The following PDE4D variants were observed in gnomAD, a reference collection of about 807,000 sequenced individuals.
PDE4D encodes 3',5'-cyclic-AMP phosphodiesterase 4D.
PDE4D carries 24 observed loss-of-function variants against 87.4 expected under a neutral mutation model. The ratio of observed to expected loss-of-function variants is 0.27; its 90% CI spans 0.20 to 0.39. The LOEUF (loss-of-function observed/expected upper bound fraction) is 0.39, where lower values mean the gene tolerates loss of function less well. Among genes scored for constraint, PDE4D ranks in the 10% least tolerant of loss-of-function variants. PDE4D has a pLI of 1.00. For synonymous variants in PDE4D, 384 were observed against 383.2 expected, an observed-to-expected ratio of 1.00 and a Z score of -0.02; for missense variants, 714 against 1,041.0, an observed-to-expected ratio of 0.69 and a Z score of 4.32.
At chr5:59,411,564 G>A (rs1792685382) in intron 1 of PDE4D, among the ~76,000 whole-genome samples, 1 of 152,150 alleles carries the variant, frequency 6.6e-6, no homozygotes, top group Admixed American at 6.5e-5. Context: ...CTTTCAGATG[G>A]CTGCCTTCTT....
chr5:59,898,764 C>T (rs1021535203), intron 3 of PDE4D, among the ~76,000 whole-genome samples: 4 of 152,172 alleles, frequency 2.6e-5, no homozygotes, highest in Non-Finnish European at 2.9e-5. Flanking sequence ...TAAAGAATTA[C>T]TTCTTATTCA....
intron 1 of PDE4D, among the ~76,000 whole-genome samples, chr5:59,224,293 TACACACACACAC>T (rs35273659): frequency 5.2e-5 from 7 of 135,410 alleles, no homozygotes; most frequent in South Asian, 2.4e-4. Flanking sequence ...CACACACACA[TACACACACACAC>T]ACACACACAC....
intron 1 of PDE4D, among the ~76,000 whole-genome samples, chr5:59,337,711 A>G (rs1044004489): frequency 6.6e-6 from 1 of 152,178 alleles, no homozygotes; most frequent in Non-Finnish European, 1.5e-5. Context: ...GCAGAGTTTG[A>G]TGCCTCTCCT....
At chr5:59,034,318 GA>G (rs2153387952) in intron 6 of PDE4D, among the ~76,000 whole-genome samples, 1 of 152,110 alleles carries the variant, frequency 6.6e-6, no homozygotes, top group East Asian at 1.9e-4. Context: ...TTTAATCTAA[GA>G]TTTAATATGT....
chr5:60,082,231 G>T (rs868763456), intron 2 of PDE4D, among the ~76,000 whole-genome samples: 5 of 152,114 alleles, frequency 3.3e-5, no homozygotes, highest in African/African-American at 1.2e-4. Context: ...GGTAATGAAG[G>T]CAGAGTCCTA....
Position 59,397,437 on chromosome 5 carries a change from C to T in PDE4D, c.456-181469G>A, listed in dbSNP as rs1275258960. Among the ~76,000 whole-genome samples, 38 of 118,284 alleles carry T rather than the reference C, an allele frequency of 3.2e-4. 7 individuals are homozygous for T. Among genetic ancestry groups the T allele is most frequent in the Non-Finnish European group, 5.2e-4 (29 of 55,944 alleles). The allele number at this position is 118,284 out of a possible 152,430, so 77.6% of individuals were successfully genotyped here. On this transcript the variant is annotated intron_variant, in intron 1 of 14. Coordinates refer to ENST00000340635, the MANE Select transcript of PDE4D (RefSeq NM_001104631.2). ...CAGGATTAAGAATCTCACTCAAAAC[C>T]GCTCAACTACATGGAAACCGAACAA...
At chr5:60,395,488 A>G (rs1225580321) in intron 1 of PDE4D, among the ~76,000 whole-genome samples, 1 of 152,148 alleles carries the variant, frequency 6.6e-6, no homozygotes, top group Non-Finnish European at 1.5e-5. Context: ...TGAAATATTG[A>G]AGCTTTGGAA....
chr5:59,586,595 G>C (rs1583226964), intron 1 of PDE4D: 1 of 1,350,940 alleles, frequency 7.4e-7, no homozygotes, highest in East Asian at 2.8e-5. Flanking sequence ...ACATCACAGA[G>C]CACTGCAGGT....
At chr5:59,821,187 C>A (rs544914446) in intron 1 of PDE4D, among the ~76,000 whole-genome samples, 1 of 151,972 alleles carries the variant, frequency 6.6e-6, no homozygotes, top group Non-Finnish European at 1.5e-5. Flanking sequence ...GAGCATTGAT[C>A]GTGCCACTGC....
chr5:59,007,202 AGG>A, intron 6 of PDE4D, among the ~76,000 whole-genome samples: 3 of 152,216 alleles, frequency 2.0e-5, no homozygotes, highest in Non-Finnish European at 4.4e-5. Context: ...TGTTTGCAGT[AGG>A]ACTTACATTA....
At chr5:60,502,765 C>T (rs1459115065) in intron 1 of PDE4D, among the ~76,000 whole-genome samples, 3 of 152,102 alleles carry the variant, frequency 2.0e-5, no homozygotes, top group African/African-American at 7.2e-5. Context: ...CCCTTCAAAG[C>T]AGTAATAAAA....
intron 5 of PDE4D, among the ~76,000 whole-genome samples, chr5:59,144,911 T>C (rs1185048452): frequency 3.8e-5 from 5 of 130,064 alleles, no homozygotes; most frequent in Admixed American, 1.7e-4. Context: ...GGGGGAACCA[T>C]CCAGAAGCTG....
intron 5 of PDE4D, among the ~76,000 whole-genome samples, chr5:59,134,245 CATA>C (rs779258423): frequency 1.3e-5 from 2 of 148,898 alleles, no homozygotes; most frequent in East Asian, 3.9e-4. Context: ...GAGAAAAAGT[CATA>C]ATATTTGACA....
chr5:59,597,388 G>C (rs1459461066), intron 1 of PDE4D, among the ~76,000 whole-genome samples: 1 of 152,072 alleles, frequency 6.6e-6, no homozygotes, highest in Non-Finnish European at 1.5e-5. Context: ...AGATGTTCTG[G>C]AGACTGTTCT....
chr5:59,903,814 C>T (rs1005242415), intron 3 of PDE4D, among the ~76,000 whole-genome samples: 1 of 152,114 alleles, frequency 6.6e-6, no homozygotes, highest in Non-Finnish European at 1.5e-5. Flanking sequence ...CTGCCTGCCT[C>T]TCTGCAGTGT....
intron 3 of PDE4D, among the ~76,000 whole-genome samples, chr5:59,970,932 C>A (rs1454894462): frequency 6.7e-6 from 1 of 149,684 alleles, no homozygotes; most frequent in South Asian, 2.2e-4. Context: ...GCACTATTCA[C>A]AATAGCAAAG....
intron 1 of PDE4D, among the ~76,000 whole-genome samples, chr5:59,361,113 A>G (rs1192249791): frequency 6.6e-6 from 1 of 152,146 alleles, no homozygotes; most frequent in Non-Finnish European, 1.5e-5. Context: ...TTTTCTATTC[A>G]CTAAACTAAC....
intron 3 of PDE4D, among the ~76,000 whole-genome samples, chr5:59,974,825 ATT>A (rs1761137863): frequency 6.6e-6 from 1 of 151,902 alleles, no homozygotes; most frequent in Admixed American, 6.6e-5. Flanking sequence ...TCCCATTCTC[ATT>A]CTTTCCATAT....
intron 1 of PDE4D, among the ~76,000 whole-genome samples, chr5:60,330,986 T>G (rs1432504239): frequency 6.6e-6 from 1 of 152,090 alleles, no homozygotes; most frequent in Non-Finnish European, 1.5e-5. Flanking sequence ...CCATTAATAG[T>G]AAAGGTGAAT....
Sources: allele counts gnomAD v4.1 joint callset (sites outside exome capture counted in the v4.1 genomes callset), GRCh38; gene constraint gnomAD v4.1.1; transcripts MANE v1.5; gene names NCBI Gene and HGNC (gene_info 2026-07-23, HGNC 2026-07-21).